The following TTC7A variants were observed in gnomAD, a reference collection of about 807,000 sequenced individuals.
TTC7A encodes the protein tetratricopeptide repeat protein 7A.
A neutral mutation model predicts 103.7 loss-of-function variants in TTC7A; 110 were observed. The observed-to-expected ratio is 1.06, with a 90% confidence interval of 0.91 to 1.24. TTC7A has a LOEUF of 1.24. Among genes scored for constraint, TTC7A ranks in the 50% most tolerant of loss-of-function variants. The probability of loss-of-function intolerance (pLI) is 0.00; values close to 1 mark genes in which losing one functional copy is unlikely to be tolerated. For missense variants in TTC7A, 1,340 were observed against 1,116.3 expected (o/e 1.20, Z -2.86); for synonymous variants, 521 against 467.9 (o/e 1.11, Z -1.47).
At chr2:47,047,984 G>A (rs2104711014) in intron 16 of TTC7A, among the ~76,000 whole-genome samples, 1 of 152,312 alleles carries the variant, frequency 6.6e-6, no homozygotes, top group South Asian at 2.1e-4. Context: ...CTAGTTTGGA[G>A]CCAAGGATTA....
intron 18 of TTC7A, among the ~76,000 whole-genome samples, chr2:47,055,055 G>A (rs978695505): frequency 2.2e-4 from 34 of 151,964 alleles, no homozygotes; most frequent in African/African-American, 8.2e-4. Flanking sequence ...AGCACCTGTT[G>A]AATGGAGGGC....
In TTC7A at chr2:46,950,481, A is replaced by C. The variant is rs1290444100; in HGVS notation, c.303A>C (p.Glu101Asp). ...LLEKNEPKMS[E>D]AKNYLSSILN... ...AGAAGAATGAGCCGAAGATGAGCGA[A>C]GCCAAAAATTATCTAAGCAGTATCC... The change falls in exon 2 of 20, where the codon GAA becomes GAC. Residue 101 changes from glutamate to aspartate, a missense_variant. By Grantham distance (45) the Glu-to-Asp change is conservative. Transcript: ENST00000319190. 1.2e-6 allele frequency: 2 copies of C among 1,614,164 alleles called. No individual in the cohort carries two copies. The highest frequency in any genetic ancestry group is 1.7e-5 in the Admixed American group (1 of 60,018).
chr2:47,038,258 CAAAA>C (rs60342421), intron 15 of TTC7A, among the ~76,000 whole-genome samples: 1 of 128,334 alleles, frequency 7.8e-6, no homozygotes, highest in African/African-American at 2.8e-5. Flanking sequence ...GACTCCATCT[CAAAA>C]AAAAAAAAAA....
intron 3 of TTC7A, 97 bp from the exon 4 acceptor site, chr2:46,974,876 C>A (rs1673710414): frequency 2.0e-6 from 3 of 1,520,110 alleles, no homozygotes; most frequent in African/African-American, 2.8e-5. Context: ...ACCAGAGTGT[C>A]TGCCCCCTCG....
chr2:46,947,170 A>T lies in TTC7A; in HGVS notation c.185-3193A>T, dbSNP rs189400249. ...CTCCGCTGTGCATGGGTTGCAGGAG[A>T]GACAGGGTGTTTTTGGCTCTGTTAT... On this transcript the variant is annotated intron_variant, in intron 1 of 19. Coordinates refer to ENST00000319190, the MANE Select transcript of TTC7A (RefSeq NM_020458.4). Among the ~76,000 whole-genome samples the T allele has an allele frequency of 2.6e-5, 4 of 152,266 alleles. No homozygotes were observed. In the East Asian group the frequency reaches 7.7e-4, roughly 29 times the overall value.
chr2:47,059,930 G>A (rs1683630347), intron 18 of TTC7A, among the ~76,000 whole-genome samples: 1 of 152,190 alleles, frequency 6.6e-6, no homozygotes, highest in Admixed American at 6.5e-5. Context: ...ACTGAGGTGA[G>A]AGGATCTCTT....
At chr2:47,065,379 A>T (rs1326052483) in intron 19 of TTC7A, among the ~76,000 whole-genome samples, 1 of 152,272 alleles carries the variant, frequency 6.6e-6, no homozygotes, top group Non-Finnish European at 1.5e-5. Flanking sequence ...GAGACAAAGA[A>T]AAAGGACTTG....
At chr2:46,976,821 T>A (rs1231122246) in intron 4 of TTC7A, among the ~76,000 whole-genome samples, 4 of 152,198 alleles carry the variant, frequency 2.6e-5, no homozygotes. Context: ...GTCACCCCCC[T>A]GCTGACAGCC....
At chr2:46,918,985 CAG>C (rs1032710592) in intron 2 of TTC7A, among the ~76,000 whole-genome samples, 5 of 152,256 alleles carry the variant, frequency 3.3e-5, no homozygotes, top group South Asian at 4.1e-4. Context: ...CAAGTAGAGA[CAG>C]AGAGGTGGCT....
chr2:46,941,917 T>A lies in TTC7A; in HGVS notation c.184+192T>A, dbSNP rs1208359888. On this transcript the variant is annotated intron_variant, in intron 1 of 19. Coordinates refer to ENST00000319190, the MANE Select transcript of TTC7A (RefSeq NM_020458.4). The surrounding 1 kb of genome is among the most constrained non-coding windows in gnomAD (Gnocchi z 4.2). ...GAAAAATCACATGTGGTTTGGGGGC[T>A]TGGAGGGAAGAGAAACGGCTTTTGC... 4.3e-6 allele frequency: 3 copies of A among 703,356 alleles called. No homozygotes were observed. Among genetic ancestry groups the A allele is most frequent in the East Asian group, 2.7e-5 (1 of 36,578 alleles). The allele number at this position is 703,356 out of a possible 1,614,324, so 43.6% of individuals were successfully genotyped here.
At chr2:46,962,823 G>A (rs1672504928) in intron 3 of TTC7A, among the ~76,000 whole-genome samples, 1 of 152,256 alleles carries the variant, frequency 6.6e-6, no homozygotes, top group African/African-American at 2.4e-5. Flanking sequence ...CCTGATGGGA[G>A]TGGAACACTT....
chr2:47,003,492 C>T lies in TTC7A; in HGVS notation c.1066-2430C>T, dbSNP rs182742942. 3.3e-5 allele frequency among the ~76,000 whole-genome samples: 5 copies of T among 152,288 alleles called. No individual in the cohort carries two copies. The East Asian group carries it at 5.8e-4, about 18-fold the overall frequency. On this transcript the variant is annotated intron_variant, in intron 8 of 19. Coordinates refer to ENST00000319190, the MANE Select transcript of TTC7A (RefSeq NM_020458.4). Reference sequence around the variant, plus strand: ...GGGGTTCCATGTCACTGGAGAGAAGCCCGCCAGTTAGGCTGCCCCAGAAAG... The same window carrying T: ...GGGGTTCCATGTCACTGGAGAGAAGTCCGCCAGTTAGGCTGCCCCAGAAAG...
rs984862096 is a variant in TTC7A at position 47,050,063 on chromosome 2, T to C, written c.2017+17T>C. On this transcript the variant is annotated intron_variant, in intron 17 of 19. Coordinates refer to ENST00000319190, the MANE Select transcript of TTC7A (RefSeq NM_020458.4). ...CAGACTCTGGTAAGAACGAGCTCCT[T>C]GGGCCACTGTGTGCATGGACCCACA... The C allele has an allele frequency of 1.3e-6, 2 of 1,597,346 alleles. No individual in the cohort carries two copies. The highest frequency in any genetic ancestry group is 2.2e-5 in the East Asian group (1 of 44,790).
At chr2:46,953,964 AGCTCCATCTCTT>A (rs1671625415) in intron 2 of TTC7A, among the ~76,000 whole-genome samples, 1 of 151,998 alleles carries the variant, frequency 6.6e-6, no homozygotes, top group Non-Finnish European at 1.5e-5. Context: ...TGCCCTGCCA[AGCTCCATCTCTT>A]GAGACCCAAG....
At position 46,984,724 on chromosome 2, in the gene TTC7A, G is replaced by A. The variant is rs184077983; in HGVS notation, c.764+5817G>A. 6.7e-4 allele frequency among the ~76,000 whole-genome samples: 102 copies of A among 152,308 alleles called. 1 individual carries two copies. The highest frequency in any genetic ancestry group is 2.3e-3 in the African/African-American group (96 of 41,574). On this transcript the variant is annotated intron_variant, in intron 5 of 19. Transcript: ENST00000319190. ...CTGAACCATGTGCTTGGTGTACAGT[G>A]CTCTGGGAAGGCCAGGTGACCCCAT...
At chr2:46,915,885 T>G, upstream of TTC7A, 4 of 973,258 alleles carry the variant, frequency 4.1e-6, no homozygotes, top group Non-Finnish European at 4.8e-6. Flanking sequence ...GCCGGGCCCC[T>G]CCCGCTGGCG....
intron 8 of TTC7A, chr2:46,999,512 C>T (rs1476453047): frequency 1.0e-6 from 1 of 985,432 alleles, no homozygotes; most frequent in Non-Finnish European, 1.2e-6. Flanking sequence ...GGACCATGCT[C>T]AGCAATGTAA....
chr2:46,954,686 C>T (rs142986986), intron 2 of TTC7A, among the ~76,000 whole-genome samples: 1,610 of 151,272 alleles, frequency 0.011, 32 homozygotes, highest in African/African-American at 0.037. Context: ...ATTCTTCTGC[C>T]TCAGCCTCCC....
rs984595338 is a variant in TTC7A at position 47,039,730 on chromosome 2, G to A, written c.1803-6585G>A. Among the ~76,000 whole-genome samples the A allele has an allele frequency of 1.3e-4, 20 of 152,240 alleles. 1 individual carries two copies. The highest frequency in any genetic ancestry group is 1.5e-5 in the Non-Finnish European group (1 of 68,042). ...GTGATCCTGCCCTAGGAGTGCAGGT[G>A]AGGCATGGCTAGGAAGAAAAGGAGG... On this transcript the variant is annotated intron_variant, in intron 15 of 19. Transcript: ENST00000319190.
Sources: allele counts gnomAD v4.1 joint callset (sites outside exome capture counted in the v4.1 genomes callset), GRCh38; gene constraint gnomAD v4.1.1; non-coding constraint Gnocchi (gnomAD v3.1); transcripts MANE v1.5; gene names NCBI Gene and HGNC (gene_info 2026-07-23, HGNC 2026-07-21).